The following DOCK5 variants were observed in gnomAD, a reference collection of about 807,000 sequenced individuals.
DOCK5 encodes the protein dedicator of cytokinesis 5.
DOCK5 carries 142 observed loss-of-function variants against 251.8 expected under a neutral mutation model. The ratio of observed to expected loss-of-function variants is 0.56; its 90% CI spans 0.49 to 0.65. The LOEUF is 0.65. Among genes scored for constraint, DOCK5 ranks in the 30% least tolerant of loss-of-function variants. The probability of loss-of-function intolerance (pLI) is 0.00; values close to 1 mark genes in which losing one functional copy is unlikely to be tolerated. For synonymous variants in DOCK5, 842 were observed against 835.5 expected, an observed-to-expected ratio of 1.01 and a Z score of -0.13; for missense variants, 2,111 against 2,312.3, an observed-to-expected ratio of 0.91 and a Z score of 1.79.
chr8:25,298,553 C>G (rs1804675697), intron 7 of DOCK5, among the ~76,000 whole-genome samples: 1 of 152,140 alleles, frequency 6.6e-6, no homozygotes, highest in Non-Finnish European at 1.5e-5. Context: ...TTAGCAAATG[C>G]ACTTCCTCTC....
intron 2 of DOCK5, among the ~76,000 whole-genome samples, chr8:25,254,006 T>G (rs1803345384): frequency 6.6e-6 from 1 of 152,218 alleles, no homozygotes; most frequent in East Asian, 1.9e-4. Flanking sequence ...AAAGCTATAG[T>G]AATCAAGACT....
intron 1 of DOCK5, among the ~76,000 whole-genome samples, chr8:25,199,819 C>A (rs1000227651): frequency 6.7e-6 from 1 of 149,782 alleles, no homozygotes; most frequent in Non-Finnish European, 1.5e-5. Flanking sequence ...TATCTACCCA[C>A]GTGGAACCAG....
intron 22 of DOCK5, among the ~76,000 whole-genome samples, chr8:25,339,947 A>G (rs962866946): frequency 1.3e-5 from 2 of 152,172 alleles, no homozygotes; most frequent in Non-Finnish European, 2.9e-5. Context: ...AATGTGAGAT[A>G]CTCCAGCCCC....
intron 1 of DOCK5, among the ~76,000 whole-genome samples, chr8:25,187,260 C>T (rs59356783): frequency 0.081 from 11,687 of 145,116 alleles, 713 homozygotes; most frequent in African/African-American, 0.17. Flanking sequence ...CACACACACA[C>T]GTATACACAC....
intron 2 of DOCK5, among the ~76,000 whole-genome samples, chr8:25,258,722 T>C (rs1783943950): frequency 6.6e-6 from 1 of 152,184 alleles, no homozygotes; most frequent in African/African-American, 2.4e-5. Flanking sequence ...AGCCAGTGGC[T>C]CAAGAACACC....
chr8:25,386,824 G>GC (rs1224038066), intron 40 of DOCK5, among the ~76,000 whole-genome samples: 3 of 152,144 alleles, frequency 2.0e-5, no homozygotes, highest in Non-Finnish European at 4.4e-5. Context: ...TAAATCACCT[G>GC]CTGAGCGAGT....
Position 25,258,600 on chromosome 8 carries a change from G to A in DOCK5, c.128-10245G>A, listed in dbSNP as rs889276578. ...TTAGCGCTGCCTGTCTCTGCCCACT[G>A]GGCATGGGATCCCAGGAGAACAAAG... On this transcript the variant is annotated intron_variant, in intron 2 of 51. Transcript: ENST00000276440. Among the ~76,000 whole-genome samples, 7 of 152,084 alleles carry A rather than the reference G, an allele frequency of 4.6e-5. No individual in the cohort carries two copies. The South Asian group carries it at 1.5e-3, about 32-fold the overall frequency.
chr8:25,200,148 A>G (rs549066709), intron 1 of DOCK5, among the ~76,000 whole-genome samples: 2 of 152,318 alleles, frequency 1.3e-5, no homozygotes, highest in South Asian at 2.1e-4. Flanking sequence ...GCTGTATCTT[A>G]TCATAATACT....
chr8:25,259,268 T>C (rs184268422), intron 2 of DOCK5, among the ~76,000 whole-genome samples: 66 of 152,232 alleles, frequency 4.3e-4, no homozygotes, highest in African/African-American at 1.4e-3. Context: ...GGGTGGCGCA[T>C]TGAGAAAGTG....
intron 27 of DOCK5, 68 bp downstream of exon 27, chr8:25,351,894 C>A: frequency 7.5e-7 from 1 of 1,333,196 alleles, no homozygotes; most frequent in Non-Finnish European, 1.1e-6. Flanking sequence ...ATCGGGAGGC[C>A]TTCGGGGCCA....
In DOCK5 at chr8:25,304,275, A is replaced by G. The variant is rs780288805; in HGVS notation, c.997A>G (p.Ile333Val). Residue 333 changes from isoleucine to valine, a missense_variant, in exon 11 of 52, where the codon ATA (isoleucine) becomes GTA (valine). By Grantham distance (29) the Ile-to-Val change is conservative. This residue lies in a region of DOCK5 where 1,717 missense variants were observed against 1,892.4 expected (regional missense o/e 0.91). Transcript: ENST00000276440. ...GVAVMDITDI[I>V]HGKVDDEEKQ... Reference sequence around the variant, plus strand: ...CCTAGTGATGGATATTACTGATATCATACATGGGAAGGTGGATGATGAAGA... The same window carrying G: ...CCTAGTGATGGATATTACTGATATCGTACATGGGAAGGTGGATGATGAAGA... 1.9e-6 allele frequency: 3 copies of G among 1,609,800 alleles called. No homozygotes were observed. The highest frequency in any genetic ancestry group is 4.5e-5 in the East Asian group (2 of 44,794).
chr8:25,310,076 A>G (rs186637011), intron 12 of DOCK5, among the ~76,000 whole-genome samples: 3 of 152,040 alleles, frequency 2.0e-5, no homozygotes, highest in South Asian at 2.1e-4. Context: ...GCTATATACT[A>G]TAGTGTTTCA....
intron 1 of DOCK5, among the ~76,000 whole-genome samples, chr8:25,217,392 G>A (rs965319412): frequency 6.6e-6 from 1 of 151,936 alleles, no homozygotes; most frequent in African/African-American, 2.4e-5. Flanking sequence ...ACTTAAAAAC[G>A]GGGAACTGAA....
rs10105367 is a variant in DOCK5, at chr8:25,317,676, T to A, written c.1443+545T>A. 7.8e-3 allele frequency among the ~76,000 whole-genome samples: 1,185 copies of A among 152,276 alleles called. 12 individuals are homozygous for A. The highest frequency in any genetic ancestry group is 0.025 in the African/African-American group (1,055 of 41,546). On this transcript the variant is annotated intron_variant, in intron 14 of 51. Coordinates refer to ENST00000276440, the MANE Select transcript of DOCK5 (RefSeq NM_024940.8). ...CCCAGGCTGGAGTGCAGTGGCACGA[T>A]CTCCACTCACTGCAAGCTCCGCCTC...
At chr8:25,332,383 A>G in intron 19 of DOCK5, 35 bp downstream of exon 19, 1 of 1,507,750 alleles carries the variant, frequency 6.6e-7, no homozygotes, top group South Asian at 1.1e-5. Flanking sequence ...AAATACACAT[A>G]CCTACATATA....
At chr8:25,350,128 A>C (rs557884757) in intron 26 of DOCK5, among the ~76,000 whole-genome samples, 9 of 152,288 alleles carry the variant, frequency 5.9e-5, no homozygotes, top group African/African-American at 1.9e-4. Context: ...TAGATGTGTT[A>C]ATTTGACCGT....
chr8:25,350,323 G>A (rs372601518), intron 26 of DOCK5, among the ~76,000 whole-genome samples: 6 of 151,610 alleles, frequency 4.0e-5, no homozygotes, highest in African/African-American at 1.5e-4. Context: ...AGCAAGGACA[G>A]ATAGAGGCTA....
intron 47 of DOCK5, among the ~76,000 whole-genome samples, chr8:25,402,816 A>G (rs1287983953): frequency 6.6e-6 from 1 of 152,030 alleles, no homozygotes; most frequent in Non-Finnish European, 1.5e-5. Flanking sequence ...GTTTCTTTTC[A>G]TGCTCTTTTC....
intron 1 of DOCK5, among the ~76,000 whole-genome samples, chr8:25,215,002 C>T (rs1446455185): frequency 6.6e-6 from 1 of 152,182 alleles, no homozygotes; most frequent in Non-Finnish European, 1.5e-5. Context: ...ACATATTTCT[C>T]CCATGCATCA....
Sources: gnomAD v4.1 joint callset for allele counts (sites outside exome capture counted in the v4.1 genomes callset) on GRCh38, gnomAD v4.1.1 for gene constraint, gnomAD v4.1.1 regional missense constraint, MANE v1.5 for transcripts, NCBI Gene and HGNC (gene_info 2026-07-23, HGNC 2026-07-21) for gene names.